Variants in CCDC148 observed in about 807,000 individuals in gnomAD.
CCDC148 encodes the protein coiled-coil domain-containing protein 148.
In CCDC148, 89 loss-of-function variants were observed where a neutral mutation model predicts 85.7. That is an observed-to-expected ratio of 1.04 (90% confidence interval 0.87 to 1.24). The LOEUF is 1.24. CCDC148 is among the 50% of genes most tolerant of loss of function. The probability of loss-of-function intolerance (pLI) is 0.00; values close to 1 mark genes in which losing one functional copy is unlikely to be tolerated. For missense variants in CCDC148, 692 were observed against 671.7 expected, an observed-to-expected ratio of 1.03 and a Z score of -0.33; for synonymous variants, 230 against 213.9, an observed-to-expected ratio of 1.08 and a Z score of -0.66.
chr2:158,376,234 C>T (rs1684644845), intron 1 of CCDC148, among the ~76,000 whole-genome samples: 1 of 151,946 alleles, frequency 6.6e-6, no homozygotes, highest in Admixed American at 6.6e-5. Flanking sequence ...ATTTCACATG[C>T]AGTTTTAACA....
chr2:158,254,569 T>C (rs1215223955), intron 9 of CCDC148, among the ~76,000 whole-genome samples: 1 of 151,658 alleles, frequency 6.6e-6, no homozygotes, highest in Non-Finnish European at 1.5e-5. Flanking sequence ...ATAATGCATA[T>C]GCAAAGAGAT....
chr2:158,334,894 CT>C (rs1693339758), intron 7 of CCDC148, among the ~76,000 whole-genome samples: 1 of 152,082 alleles, frequency 6.6e-6, no homozygotes. Flanking sequence ...ATTTTACAAG[CT>C]TAATCTTCCT....
intron 9 of CCDC148, among the ~76,000 whole-genome samples, chr2:158,295,360 C>T (rs1160696546): frequency 5.3e-5 from 8 of 152,234 alleles, no homozygotes; most frequent in African/African-American, 1.7e-4. Context: ...GGGAATCCTC[C>T]CTAACTCATT....
intron 9 of CCDC148, among the ~76,000 whole-genome samples, chr2:158,289,596 G>A (rs1690793084): frequency 6.6e-6 from 1 of 152,158 alleles, no homozygotes; most frequent in Non-Finnish European, 1.5e-5. Context: ...ACATTCACAA[G>A]GATGTGGAAC....
At chr2:158,402,528 C>A (rs1685828051) in intron 1 of CCDC148, among the ~76,000 whole-genome samples, 1 of 151,924 alleles carries the variant, frequency 6.6e-6, no homozygotes, top group African/African-American at 2.4e-5. Flanking sequence ...ATAGTCCCAG[C>A]TACAGATCAG....
Position 158,340,644 on chromosome 2 carries a change from A to G in CCDC148, c.288T>C (p.Asn96=), listed in dbSNP as rs780360610. ...KMESEIKSLL[N]EENIGNECLC... ...GACATTCATTTCCAATGTTCTCTTC[A>G]TTGAGAAGGGATTTTATTTCAGATT... The change falls in exon 4 of 14, where the codon AAT becomes AAC. Residue 96 remains asparagine (N), a synonymous_variant. Coordinates refer to ENST00000283233, the MANE Select transcript of CCDC148 (RefSeq NM_138803.4). 1 of 1,589,314 alleles carries G rather than the reference A, an allele frequency of 6.3e-7. No individual in the cohort carries two copies. Among genetic ancestry groups the G allele is most frequent in the South Asian group, 1.1e-5 (1 of 87,796 alleles).
At chr2:158,193,794 T>G (rs1685531118) in intron 11 of CCDC148, among the ~76,000 whole-genome samples, 1 of 152,010 alleles carries the variant, frequency 6.6e-6, no homozygotes, top group South Asian at 2.1e-4. Context: ...CTTATATTTT[T>G]AAAATAATCC....
At chr2:158,393,100 T>C (rs1685383400) in intron 1 of CCDC148, 3 of 151,984 alleles carry the variant, frequency 2.0e-5, no homozygotes, top group African/African-American at 7.2e-5. Flanking sequence ...TAAAACCAGA[T>C]AAAAATAACT....
At chr2:158,283,325 C>G (rs908062320) in intron 9 of CCDC148, among the ~76,000 whole-genome samples, 3 of 152,114 alleles carry the variant, frequency 2.0e-5, no homozygotes, top group Non-Finnish European at 2.9e-5. Flanking sequence ...AAGAAACTAC[C>G]ATCAGAGTGA....
chr2:158,225,653 A>C (rs1172722395), intron 10 of CCDC148, among the ~76,000 whole-genome samples: 1 of 152,242 alleles, frequency 6.6e-6, no homozygotes, highest in Non-Finnish European at 1.5e-5. Flanking sequence ...TAAGAAACTC[A>C]CTCAAAACTG....
intron 9 of CCDC148, among the ~76,000 whole-genome samples, chr2:158,291,231 G>C (rs1437705993): frequency 6.6e-6 from 1 of 152,098 alleles, no homozygotes; most frequent in Non-Finnish European, 1.5e-5. Flanking sequence ...GGTATTACAG[G>C]CATGTGCCAC....
At chr2:158,370,014 C>T (rs1405266448) in intron 1 of CCDC148, among the ~76,000 whole-genome samples, 2 of 151,928 alleles carry the variant, frequency 1.3e-5, no homozygotes, top group Non-Finnish European at 2.9e-5. Context: ...GGGTTGAAGC[C>T]GACTTGATCA....
chr2:158,271,095 G>C (rs1053099440), intron 9 of CCDC148, among the ~76,000 whole-genome samples: 7 of 152,140 alleles, frequency 4.6e-5, no homozygotes, highest in Non-Finnish European at 8.8e-5. Context: ...TTGTGAAATT[G>C]ATCCATTCAC....
chr2:158,372,204 G>A (rs1327886213), intron 1 of CCDC148, among the ~76,000 whole-genome samples: 1 of 151,946 alleles, frequency 6.6e-6, no homozygotes, highest in Non-Finnish European at 1.5e-5. Context: ...GTATAAATTA[G>A]GTATATGCTA....
At chr2:158,319,282 AGCC>A (rs1357192562) in intron 7 of CCDC148, among the ~76,000 whole-genome samples, 31 of 152,182 alleles carry the variant, frequency 2.0e-4, no homozygotes, top group Non-Finnish European at 2.9e-5. Flanking sequence ...CCCCATCTCC[AGCC>A]CTGGCAGTGA....
intron 7 of CCDC148, among the ~76,000 whole-genome samples, chr2:158,318,499 T>G (rs1188394696): frequency 6.6e-6 from 1 of 152,182 alleles, no homozygotes; most frequent in African/African-American, 2.4e-5. Context: ...AGTGATGGCT[T>G]TGGGAATCCG....
At chr2:158,243,058 C>T (rs936515219) in intron 10 of CCDC148, among the ~76,000 whole-genome samples, 1 of 151,972 alleles carries the variant, frequency 6.6e-6, no homozygotes, top group South Asian at 2.1e-4. Context: ...CTTAAAATGC[C>T]GTCTGTCTTC....
At chr2:158,352,307 G>C (rs1051819939) in intron 2 of CCDC148, among the ~76,000 whole-genome samples, 24 of 151,656 alleles carry the variant, frequency 1.6e-4, no homozygotes, top group South Asian at 6.3e-4. Flanking sequence ...AAACCAAAGG[G>C]AAAGAAGTTG....
chr2:158,248,508 A>G (rs1688661119), intron 10 of CCDC148, among the ~76,000 whole-genome samples: 1 of 152,138 alleles, frequency 6.6e-6, no homozygotes, highest in Admixed American at 6.6e-5. Flanking sequence ...ACTTTGGCTT[A>G]GTTTCCCAAA....
Sources: allele counts gnomAD v4.1 joint callset (sites outside exome capture counted in the v4.1 genomes callset), GRCh38; gene constraint gnomAD v4.1.1; transcripts MANE v1.5; gene names NCBI Gene and HGNC (gene_info 2026-07-23, HGNC 2026-07-21).